Variants in DNM3 observed in about 807,000 individuals in gnomAD.
The protein encoded by DNM3 is dynamin-3.
A neutral mutation model predicts 101.6 loss-of-function variants in DNM3; 47 were observed. That is an observed-to-expected ratio of 0.46 (90% CI 0.37 to 0.59). The LOEUF (loss-of-function observed/expected upper bound fraction) is 0.59. Ranked by LOEUF, DNM3 falls within the 20% of genes least tolerant of loss-of-function variation. The pLI is 0.00. For synonymous variants in DNM3, 385 were observed against 387.9 expected (o/e 0.99, Z 0.09); for missense variants, 849 against 1,085.7 (o/e 0.78, Z 3.06).
intron 14 of DNM3, among the ~76,000 whole-genome samples, chr1:172,195,744 C>A (rs189261961): frequency 1.3e-5 from 2 of 151,830 alleles, no homozygotes; most frequent in East Asian, 1.9e-4. Context: ...AATGTTGAAC[C>A]CTCCTAGCAT....
intron 15 of DNM3, among the ~76,000 whole-genome samples, chr1:172,304,452 C>A (rs1427707420): frequency 6.6e-6 from 1 of 152,098 alleles, no homozygotes; most frequent in African/African-American, 2.4e-5. Context: ...TTAACACCCA[C>A]TGTCAATATT....
chr1:172,374,971 C>T (rs1310011262), intron 17 of DNM3, among the ~76,000 whole-genome samples: 1 of 152,008 alleles, frequency 6.6e-6, no homozygotes, highest in Non-Finnish European at 1.5e-5. Context: ...GCCTGTTAAA[C>T]AAATAGTATA....
chr1:172,234,313 A>G (rs1483961574), intron 14 of DNM3, among the ~76,000 whole-genome samples: 1 of 152,164 alleles, frequency 6.6e-6, no homozygotes, highest in Non-Finnish European at 1.5e-5. Flanking sequence ...TAAAATACCT[A>G]GGAATCCAAC....
At chr1:171,961,499 G>C (rs2043208092) in intron 2 of DNM3, among the ~76,000 whole-genome samples, 1 of 152,144 alleles carries the variant, frequency 6.6e-6, no homozygotes, top group South Asian at 2.1e-4. Flanking sequence ...TTATTGGTAG[G>C]AATGGAAATT....
At chr1:171,867,112 A>G (rs757786508) in intron 1 of DNM3, among the ~76,000 whole-genome samples, 1 of 152,252 alleles carries the variant, frequency 6.6e-6, no homozygotes, top group Non-Finnish European at 1.5e-5. Flanking sequence ...CAGCATGTAG[A>G]GAAGATCCTG....
At chr1:172,211,033 G>A (rs2060495634) in intron 14 of DNM3, among the ~76,000 whole-genome samples, 1 of 152,066 alleles carries the variant, frequency 6.6e-6, no homozygotes, top group African/African-American at 2.4e-5. Context: ...AAGGGCAGTT[G>A]AGTAAACGGA....
intron 1 of DNM3, 133 bp from the exon 2 acceptor site, chr1:171,921,615 G>A (rs2040176171): frequency 3.0e-6 from 2 of 675,968 alleles, no homozygotes; most frequent in Non-Finnish European, 5.1e-6. Flanking sequence ...TATTAAGATG[G>A]GCCTATCATT....
intron 13 of DNM3, among the ~76,000 whole-genome samples, chr1:172,098,955 G>T (rs183373051): frequency 6.6e-6 from 1 of 152,146 alleles, no homozygotes; most frequent in Admixed American, 6.5e-5. Flanking sequence ...ACTATCTGAG[G>T]GTCCAGTGAT....
chr1:172,120,540 C>A (rs957506585), intron 13 of DNM3, among the ~76,000 whole-genome samples: 4 of 152,200 alleles, frequency 2.6e-5, no homozygotes, highest in Admixed American at 6.5e-5. Context: ...AATTACATGA[C>A]TAAGTGTTGT....
intron 20 of DNM3, among the ~76,000 whole-genome samples, chr1:172,400,725 T>C (rs2070416302): frequency 6.6e-6 from 1 of 152,218 alleles, no homozygotes; most frequent in Non-Finnish European, 1.5e-5. Flanking sequence ...ATCCTTCATG[T>C]TACCTGTTTC....
chr1:171,871,381 G>A (rs1281529457), intron 1 of DNM3, among the ~76,000 whole-genome samples: 1 of 152,160 alleles, frequency 6.6e-6, no homozygotes, highest in Non-Finnish European at 1.5e-5. Flanking sequence ...TGCATTTCCG[G>A]AAAATTCAAT....
chr1:172,362,458 C>T (rs924176177), intron 17 of DNM3, among the ~76,000 whole-genome samples: 5 of 146,474 alleles, frequency 3.4e-5, no homozygotes, highest in African/African-American at 9.8e-5. Context: ...AGCAAAAGGT[C>T]TGGTATAACT....
intron 20 of DNM3, among the ~76,000 whole-genome samples, chr1:172,392,297 G>C (rs1217402713): frequency 1.3e-5 from 2 of 152,156 alleles, no homozygotes; most frequent in Non-Finnish European, 2.9e-5. Flanking sequence ...TTGGTAACTT[G>C]AGTATACACA....
At chr1:172,124,249 A>G (rs2056491230) in intron 13 of DNM3, among the ~76,000 whole-genome samples, 1 of 152,178 alleles carries the variant, frequency 6.6e-6, no homozygotes, top group African/African-American at 2.4e-5. Flanking sequence ...AAGTTCAAGA[A>G]TTACATTCCC....
chr1:171,851,471 T>C (rs931583698), intron 1 of DNM3, among the ~76,000 whole-genome samples: 1 of 152,192 alleles, frequency 6.6e-6, no homozygotes, highest in Non-Finnish European at 1.5e-5. Context: ...GTGCAGTGAG[T>C]GGCATGATCT....
intron 2 of DNM3, among the ~76,000 whole-genome samples, chr1:171,932,577 G>C (rs1458338470): frequency 6.6e-6 from 1 of 151,650 alleles, no homozygotes; most frequent in African/African-American, 2.4e-5. Flanking sequence ...TTCTAGATAG[G>C]GTATTCATCT....
At chr1:172,296,466 G>A (rs1173934084) in intron 15 of DNM3, among the ~76,000 whole-genome samples, 5 of 152,282 alleles carry the variant, frequency 3.3e-5, no homozygotes, top group Admixed American at 1.3e-4. Context: ...AGTGTCATTC[G>A]ATACTCTCAA....
intron 13 of DNM3, among the ~76,000 whole-genome samples, chr1:172,130,004 G>A (rs1261728275): frequency 6.6e-6 from 1 of 152,096 alleles, no homozygotes; most frequent in Non-Finnish European, 1.5e-5. Flanking sequence ...GGTGACAGGG[G>A]CTGGAAATAT....
chr1:172,082,068 G>A (rs1418024912), intron 12 of DNM3, among the ~76,000 whole-genome samples, 166 bp downstream of exon 12: 1 of 152,204 alleles, frequency 6.6e-6, no homozygotes, highest in Non-Finnish European at 1.5e-5. Context: ...TCGTAGGGCA[G>A]GGATATTTAC....
Sources: allele counts gnomAD v4.1 joint callset (sites outside exome capture counted in the v4.1 genomes callset), GRCh38; gene constraint gnomAD v4.1.1; transcripts MANE v1.5; gene names NCBI Gene and HGNC (gene_info 2026-07-23, HGNC 2026-07-21).